NOVA1: variants seen among roughly 807,000 people sequenced by gnomAD.
The protein encoded by NOVA1 is NOVA alternative splicing regulator 1, also known as RNA-binding protein Nova-1.
NOVA1 carries 7 observed loss-of-function variants against 38.0 expected under a neutral mutation model. The observed-to-expected ratio is 0.18, with a 90% CI of 0.10 to 0.35. The LOEUF is 0.35. Among genes scored for constraint, NOVA1 ranks in the 10% least tolerant of loss-of-function variants. The pLI is 1.00. For missense variants in NOVA1, 460 were observed against 616.0 expected (o/e 0.75, Z 2.68); for synonymous variants, 270 against 232.5 (o/e 1.16, Z -1.47).
At chr14:26,450,536 A>T (rs1328966801) in intron 4 of NOVA1, among the ~76,000 whole-genome samples, 5 of 152,166 alleles carry the variant, frequency 3.3e-5, no homozygotes, top group Non-Finnish European at 7.4e-5. Flanking sequence ...AGAAAGTTTG[A>T]GAAATAGTCT....
chr14:26,511,979 T>C (rs1163427332), intron 2 of NOVA1, among the ~76,000 whole-genome samples: 1 of 152,188 alleles, frequency 6.6e-6, no homozygotes, highest in African/African-American at 2.4e-5. Context: ...AAAACTATTA[T>C]GTTAAGCATT....
At chr14:26,587,508 T>C (rs1893599513) in intron 2 of NOVA1, among the ~76,000 whole-genome samples, 1 of 151,030 alleles carries the variant, frequency 6.6e-6, no homozygotes, top group South Asian at 2.1e-4. Context: ...AGAGACAGCT[T>C]CCAGGCAGAC....
intron 2 of NOVA1, among the ~76,000 whole-genome samples, chr14:26,587,060 A>G (rs1165793803): frequency 6.6e-6 from 1 of 150,972 alleles, no homozygotes; most frequent in Non-Finnish European, 1.5e-5. Context: ...ATTGCACCAC[A>G]AATTCAGAAA....
At chr14:26,544,769 T>C (rs1566523518) in intron 2 of NOVA1, among the ~76,000 whole-genome samples, 2 of 151,768 alleles carry the variant, frequency 1.3e-5, no homozygotes, top group Admixed American at 1.3e-4. Context: ...GAGATGCAAA[T>C]AACAGCACTT....
At chr14:26,535,682 G>A (rs1233526347) in intron 2 of NOVA1, among the ~76,000 whole-genome samples, 1 of 152,154 alleles carries the variant, frequency 6.6e-6, no homozygotes, top group Non-Finnish European at 1.5e-5. Context: ...CATAGGCCGG[G>A]CGTGGTGGCT....
chr14:26,589,510 T>C (rs1219096776), intron 2 of NOVA1, among the ~76,000 whole-genome samples: 1 of 151,818 alleles, frequency 6.6e-6, no homozygotes, highest in Admixed American at 6.6e-5. Context: ...CTGTCCTGTT[T>C]GTTGGAACAC....
intron 2 of NOVA1, among the ~76,000 whole-genome samples, chr14:26,504,469 CA>C (rs1172765645): frequency 2.0e-5 from 3 of 151,958 alleles, no homozygotes; most frequent in Non-Finnish European, 4.4e-5. Context: ...CTTTTTGTCT[CA>C]AAACCTGAGA....
chr14:26,479,403 A>G (rs966202776), intron 3 of NOVA1: 3 of 152,090 alleles, frequency 2.0e-5, no homozygotes, highest in African/African-American at 7.2e-5. Flanking sequence ...ATTAAAAATG[A>G]ACATTGGCCC....
At chr14:26,591,438 T>A (rs1479973943) in intron 2 of NOVA1, among the ~76,000 whole-genome samples, 2 of 151,692 alleles carry the variant, frequency 1.3e-5, no homozygotes, top group African/African-American at 4.8e-5. Flanking sequence ...TTATTTTCTG[T>A]ACTTGTTACA....
intron 4 of NOVA1, among the ~76,000 whole-genome samples, chr14:26,470,761 T>C (rs1884524197): frequency 6.6e-6 from 1 of 152,024 alleles, no homozygotes; most frequent in Non-Finnish European, 1.5e-5. Flanking sequence ...AAAGGCAAAA[T>C]TATTAAGGAG....
intron 2 of NOVA1, among the ~76,000 whole-genome samples, chr14:26,547,143 A>T (rs540297307): frequency 2.4e-4 from 36 of 152,334 alleles, no homozygotes; most frequent in Non-Finnish European, 3.7e-4. Context: ...CTTAAAGTTT[A>T]ATTATTCATA....
rs150133287 is a variant in NOVA1, at chr14:26,518,120, T to C, written c.281-37977A>G. Among the ~76,000 whole-genome samples, 11 of 152,220 alleles carry C rather than the reference T, an allele frequency of 7.2e-5. No individual in the cohort carries two copies. In the East Asian group the frequency reaches 2.1e-3, roughly 29 times the overall value. ...TCAAAGGGAAGATAAATCATAGAGTTATTTTGTAATAAAATATTTAAGGAT... is the reference window on the plus strand; with the variant it reads ...TCAAAGGGAAGATAAATCATAGAGTCATTTTGTAATAAAATATTTAAGGAT... On this transcript the variant is annotated intron_variant, in intron 2 of 4. Coordinates refer to ENST00000539517, the MANE Select transcript of NOVA1 (RefSeq NM_002515.3).
rs192595615 is a variant in NOVA1 at position 26,506,254 on chromosome 14, G to A, written c.281-26111C>T. The stretch of plus-strand genomic sequence containing the variant: ...AGCTACAGGTATTTTCCCAAGTTAA[G>A]AATTTATAGAATTTTAAAATTAGGC... On this transcript the variant is annotated intron_variant, in intron 2 of 4. Coordinates refer to ENST00000539517, the MANE Select transcript of NOVA1 (RefSeq NM_002515.3). Among the ~76,000 whole-genome samples the A allele has an allele frequency of 2.4e-4, 37 of 152,202 alleles. 1 individual carries two copies. The highest frequency in any genetic ancestry group is 2.0e-3 in the Admixed American group (30 of 15,298).
At chr14:26,573,694 A>G (rs1892631610) in intron 2 of NOVA1, among the ~76,000 whole-genome samples, 1 of 152,222 alleles carries the variant, frequency 6.6e-6, no homozygotes, top group African/African-American at 2.4e-5. Context: ...TGACCTAAAT[A>G]AACTGTGAAG....
intron 4 of NOVA1, among the ~76,000 whole-genome samples, chr14:26,462,074 ATTT>A (rs543942828): frequency 6.7e-6 from 1 of 150,138 alleles, no homozygotes; most frequent in South Asian, 2.1e-4. Flanking sequence ...TGACAAAAAG[ATTT>A]TTTTTTTGTA....
chr14:26,493,923 T>C (rs1487551209), intron 2 of NOVA1, among the ~76,000 whole-genome samples: 1 of 152,012 alleles, frequency 6.6e-6, no homozygotes, highest in Non-Finnish European at 1.5e-5. Context: ...ACCACATAAT[T>C]ACAAGGAGCA....
At chr14:26,595,847 C>A in intron 1 of NOVA1, 2 of 338,518 alleles carry the variant, frequency 5.9e-6, no homozygotes, top group South Asian at 3.0e-5. Flanking sequence ...GTTGTTATTC[C>A]AAACATGGAA....
At chr14:26,482,016 A>T (rs996000038) in intron 2 of NOVA1, among the ~76,000 whole-genome samples, 2 of 141,940 alleles carry the variant, frequency 1.4e-5, no homozygotes, top group Admixed American at 6.9e-5. Flanking sequence ...AAAAAAAAAC[A>T]TGGCTCTAAA....
chr14:26,559,447 T>C (rs1005223359), intron 2 of NOVA1, among the ~76,000 whole-genome samples: 2 of 152,192 alleles, frequency 1.3e-5, no homozygotes, highest in African/African-American at 4.8e-5. Flanking sequence ...GGTTTTTTTA[T>C]ATGAGATCCT....
Sources: gnomAD v4.1 joint callset for allele counts (sites outside exome capture counted in the v4.1 genomes callset) on GRCh38, gnomAD v4.1.1 for gene constraint, MANE v1.5 for transcripts, NCBI Gene and HGNC (gene_info 2026-07-23, HGNC 2026-07-21) for gene names.